CUX2: variants seen among roughly 807,000 people sequenced by gnomAD.
The protein encoded by CUX2 is homeobox protein cut-like 2.
In CUX2, 40 loss-of-function variants were observed where a neutral mutation model predicts 144.8. The ratio of observed to expected loss-of-function variants is 0.28; its 90% CI spans 0.21 to 0.36. The LOEUF (loss-of-function observed/expected upper bound fraction) is 0.36, where lower values mean the gene tolerates loss of function less well. Ranked by LOEUF, CUX2 falls within the 10% of genes least tolerant of loss-of-function variation. The pLI is 1.00. For missense variants in CUX2, 1,615 were observed against 1,994.0 expected (o/e 0.81, Z 3.62); for synonymous variants, 827 against 875.6 (o/e 0.94, Z 0.98).
Position 111,334,573 on chromosome 12 carries a change from G to A in CUX2, c.3059G>A (p.Ser1020Asn), listed in dbSNP as rs1158503763. Residue 1020 changes from serine to asparagine, a missense_variant, in exon 19 of 22, where the codon AGC (serine) becomes AAC (asparagine). This residue lies in a region of CUX2 where 128 missense variants were observed against 124.4 expected (regional missense o/e 1.03). Transcript: ENST00000261726. ...AACCAGCAGCCAGAGGGCCGCTCCA[G>A]CTCCTCGTTGAGCGGGAAGATGTAC... Reference protein sequence around the residue: ...KENQQPEGRSSSSLSGKMYSG... With the variant: ...KENQQPEGRSNSSLSGKMYSG... 1 of 1,614,056 alleles carries A rather than the reference G, an allele frequency of 6.2e-7. No homozygotes were observed. Among genetic ancestry groups the A allele is most frequent in the Non-Finnish European group, 8.5e-7 (1 of 1,180,014 alleles).
At chr12:111,106,203 G>C (rs1245747369) in intron 1 of CUX2, among the ~76,000 whole-genome samples, 1 of 152,104 alleles carries the variant, frequency 6.6e-6, no homozygotes, top group African/African-American at 2.4e-5. Context: ...TGTTGCCTAG[G>C]CTGGTCTCAA....
At chr12:111,085,360 C>T (rs1303319217) in intron 1 of CUX2, among the ~76,000 whole-genome samples, 1 of 152,180 alleles carries the variant, frequency 6.6e-6, no homozygotes, top group Non-Finnish European at 1.5e-5. Context: ...TAACCATTTA[C>T]CAGCATGCAT....
At position 111,296,557 on chromosome 12, in the gene CUX2, A is replaced by T. The variant is rs929393279; in HGVS notation, c.704+18A>T. 6.2e-7 allele frequency: 1 copy of T among 1,605,570 alleles called. No homozygotes were observed. The highest frequency in any genetic ancestry group is 8.5e-7 in the Non-Finnish European group (1 of 1,175,428). ...GCATCCAAGTAAGTGAGCCCTGCTG[A>T]GGTGTACCTCCTCCCTTGGAGGCCT... is the stretch of plus-strand genomic sequence containing the variant. On this transcript the variant is annotated intron_variant, in intron 8 of 21. Coordinates refer to ENST00000261726, the MANE Select transcript of CUX2 (RefSeq NM_015267.4).
intron 4 of CUX2, among the ~76,000 whole-genome samples, chr12:111,268,089 A>G (rs3858704): frequency 0.43 from 64,637 of 151,518 alleles, 17,805 homozygotes; most frequent in African/African-American, 0.76. Flanking sequence ...AAGCCACTGT[A>G]CCCAACCTCC....
intron 2 of CUX2, among the ~76,000 whole-genome samples, chr12:111,215,244 G>A (rs911406940): frequency 6.6e-6 from 1 of 152,178 alleles, no homozygotes; most frequent in African/African-American, 2.4e-5. Context: ...CACTCTGCCA[G>A]TCTGATACCG....
At chr12:111,176,922 C>T (rs918045403) in intron 1 of CUX2, among the ~76,000 whole-genome samples, 2 of 152,238 alleles carry the variant, frequency 1.3e-5, no homozygotes, top group Non-Finnish European at 2.9e-5. Flanking sequence ...GAAAATTTCT[C>T]ATTGCAGGGT....
At chr12:111,334,047 C>T (rs1261221856) in intron 18 of CUX2, among the ~76,000 whole-genome samples, 7 of 149,878 alleles carry the variant, frequency 4.7e-5, no homozygotes, top group South Asian at 2.1e-4. Context: ...ATTAGCAGGG[C>T]GTAGTGGCGC....
chr12:111,118,574 T>C (rs1874435890), intron 1 of CUX2, among the ~76,000 whole-genome samples: 1 of 152,166 alleles, frequency 6.6e-6, no homozygotes, highest in Non-Finnish European at 1.5e-5. Context: ...AGCTGTACCA[T>C]TCGCCTCCAC....
intron 8 of CUX2, among the ~76,000 whole-genome samples, chr12:111,297,424 C>G (rs1322812621): frequency 2.0e-5 from 3 of 152,232 alleles, no homozygotes; most frequent in African/African-American, 7.2e-5. Context: ...TCCTCACCCC[C>G]AAAGGCACAC....
intron 4 of CUX2, among the ~76,000 whole-genome samples, chr12:111,285,709 G>A (rs1885346561): frequency 6.6e-6 from 1 of 152,214 alleles, no homozygotes; most frequent in Non-Finnish European, 1.5e-5. Context: ...TTTTCCGTGT[G>A]GGAAATCGGG....
In CUX2 at chr12:111,077,715, T is replaced by C. The variant is rs961706581; in HGVS notation, c.63+43475T>C. Among the ~76,000 whole-genome samples, 1 of 152,140 alleles carries C rather than the reference T, an allele frequency of 6.6e-6. No individual in the cohort carries two copies. Among genetic ancestry groups the C allele is most frequent in the Non-Finnish European group, 1.5e-5 (1 of 68,026 alleles). On this transcript the variant is annotated intron_variant, in intron 1 of 21. Coordinates refer to ENST00000261726, the MANE Select transcript of CUX2 (RefSeq NM_015267.4). The surrounding 1 kb of genome is among the most constrained non-coding windows in gnomAD (Gnocchi z 4.1). ...GCTTTATTTACAAGAGTGTTTGTTTTTTGGGGGCCATACGCAAATTCCCAC... is the reference window on the plus strand; with the variant it reads ...GCTTTATTTACAAGAGTGTTTGTTTCTTGGGGGCCATACGCAAATTCCCAC...
At chr12:111,346,463 G>A (rs1187197717) in intron 21 of CUX2, among the ~76,000 whole-genome samples, 16 of 147,846 alleles carry the variant, frequency 1.1e-4, no homozygotes, top group East Asian at 2.0e-4. Flanking sequence ...GCAACAGAGC[G>A]AGACTCCATC....
intron 1 of CUX2, among the ~76,000 whole-genome samples, chr12:111,183,937 A>T (rs1475464722): frequency 1.3e-5 from 2 of 152,096 alleles, no homozygotes; most frequent in Non-Finnish European, 2.9e-5. Flanking sequence ...GGTGGCTGGC[A>T]CCCATTGCTA....
At chr12:111,291,376 C>G (rs1885672298) in intron 4 of CUX2, 42 bp from the exon 5 acceptor site, 1 of 1,553,476 alleles carries the variant, frequency 6.4e-7, no homozygotes, top group Non-Finnish European at 8.7e-7. Flanking sequence ...GTGTCCCTAT[C>G]CATCAGGCCC....
rs1193491465 is a variant in CUX2, at chr12:111,289,805, G to A, written c.302-1613G>A. Among the ~76,000 whole-genome samples the A allele has an allele frequency of 6.6e-6, 1 of 152,058 alleles. No homozygotes were observed. The highest frequency in any genetic ancestry group is 1.5e-5 in the Non-Finnish European group (1 of 68,014). On this transcript the variant is annotated intron_variant, in intron 4 of 21. Transcript: ENST00000261726. The surrounding 1 kb of genome is among the most constrained non-coding windows in gnomAD (Gnocchi z 4.1). ...CCAGGTCCACCGAGAAGCACACCAA[G>A]GATTACATGGGAGAGGATATTGGTG...
chr12:111,269,780 A>G (rs1024776803), intron 4 of CUX2, among the ~76,000 whole-genome samples: 1 of 152,244 alleles, frequency 6.6e-6, no homozygotes, highest in East Asian at 1.9e-4. Context: ...TGGAAGGTCC[A>G]TATACCCTCT....
rs372580580 is a variant in CUX2 at position 111,147,605 on chromosome 12, C to T, written c.64-66595C>T. Among the ~76,000 whole-genome samples the T allele has an allele frequency of 3.9e-5, 6 of 152,250 alleles. 1 individual carries two copies. Among genetic ancestry groups the T allele is most frequent in the African/African-American group, 1.4e-4 (6 of 41,546 alleles). On this transcript the variant is annotated intron_variant, in intron 1 of 21. Transcript: ENST00000261726. ...ATAGGTTGGGGGCCCCCAGATTGCT[C>T]GATTGCATGGAGCAGGGTGTGATAA...
At chr12:111,097,504 A>G (rs942711049) in intron 1 of CUX2, among the ~76,000 whole-genome samples, 2 of 152,222 alleles carry the variant, frequency 1.3e-5, no homozygotes, top group African/African-American at 4.8e-5. Context: ...GCAAGGCACC[A>G]GCAGCAGAGG....
chr12:111,196,419 C>T (rs751094044), intron 1 of CUX2, among the ~76,000 whole-genome samples: 1 of 152,176 alleles, frequency 6.6e-6, no homozygotes, highest in Non-Finnish European at 1.5e-5. Flanking sequence ...AAGAAACTGC[C>T]AAACTGTTTT....
Sources: gnomAD v4.1 joint callset for allele counts (sites outside exome capture counted in the v4.1 genomes callset) on GRCh38, gnomAD v4.1.1 for gene constraint, gnomAD v4.1.1 regional missense constraint, Gnocchi (gnomAD v3.1) non-coding constraint, MANE v1.5 for transcripts, NCBI Gene and HGNC (gene_info 2026-07-23, HGNC 2026-07-21) for gene names.